Variants in RPRD2 observed in about 807,000 individuals in gnomAD.
The protein encoded by RPRD2 is regulation of nuclear pre-mRNA domain-containing protein 2.
In RPRD2, 12 loss-of-function variants were observed where a neutral mutation model predicts 104.4. That is an observed-to-expected ratio of 0.11 (90% CI 0.07 to 0.19). RPRD2 has a LOEUF of 0.19. Among genes scored for constraint, RPRD2 ranks in the 10% least tolerant of loss-of-function variants. The probability of loss-of-function intolerance (pLI) is 1.00; values close to 1 mark genes in which losing one functional copy is unlikely to be tolerated. For missense variants in RPRD2, 1,543 were observed against 1,790.1 expected, an observed-to-expected ratio of 0.86 and a Z score of 2.49; for synonymous variants, 714 against 684.9, an observed-to-expected ratio of 1.04 and a Z score of -0.66.
chr1:150,433,060 T>A (rs587756510), intron 2 of RPRD2, among the ~76,000 whole-genome samples: 1 of 152,178 alleles, frequency 6.6e-6, no homozygotes, highest in East Asian at 1.9e-4. Context: ...ATGGCTACCC[T>A]ATTATATACT....
intron 7 of RPRD2, among the ~76,000 whole-genome samples, chr1:150,454,624 G>C (rs1553897232): frequency 6.6e-6 from 1 of 152,094 alleles, no homozygotes; most frequent in Admixed American, 6.6e-5. Context: ...GGGGCAGGCG[G>C]ATCACCTGAG....
At chr1:150,463,216 G>A (rs1431208449) in intron 9 of RPRD2, among the ~76,000 whole-genome samples, 2 of 152,044 alleles carry the variant, frequency 1.3e-5, no homozygotes, top group South Asian at 2.1e-4. Flanking sequence ...CCAGCTACTC[G>A]GGAGGCAAAT....
At chr1:150,406,913 C>G (rs1221210801) in intron 1 of RPRD2, among the ~76,000 whole-genome samples, 1 of 152,096 alleles carries the variant, frequency 6.6e-6, no homozygotes, top group Non-Finnish European at 1.5e-5. Context: ...CAGGGTTTCT[C>G]CATGTTGATC....
In RPRD2 at chr1:150,459,813, C is replaced by T. The variant is rs188735664; in HGVS notation, c.1154-247C>T. 5.2e-4 allele frequency among the ~76,000 whole-genome samples: 79 copies of T among 151,856 alleles called. No homozygotes were observed. In the East Asian group the frequency reaches 0.01, roughly 20 times the overall value. On this transcript the variant is annotated intron_variant, in intron 8 of 10. Transcript: ENST00000369068. ...TTCACCATGTTGACCAGGCTGGTCT[C>T]GAAATCCTGACCTCACATGAGCCAT... is the stretch of plus-strand genomic sequence containing the variant.
At chr1:150,450,500 G>T (rs1250130082) in intron 7 of RPRD2, among the ~76,000 whole-genome samples, 1 of 148,712 alleles carries the variant, frequency 6.7e-6, no homozygotes, top group Non-Finnish European at 1.5e-5. Context: ...CCACTACTCC[G>T]CAGGCTGAGG....
chr1:150,373,533 C>CTTTTTT (rs56743462), intron 1 of RPRD2, among the ~76,000 whole-genome samples: 7,320 of 97,172 alleles, frequency 0.075, 1,115 homozygotes, highest in Non-Finnish European at 0.12. Flanking sequence ...TCAAGAATGA[C>CTTTTTT]TTTTTTTTTT....
At position 150,470,718 on chromosome 1, in the gene RPRD2, C is replaced by T; in HGVS notation, c.1770C>T (p.Phe590=). 6.2e-7 allele frequency: 1 copy of T among 1,614,044 alleles called. No homozygotes were observed. The highest frequency in any genetic ancestry group is 8.5e-7 in the Non-Finnish European group (1 of 1,179,892). Residue 590 remains phenylalanine, a synonymous_variant, in exon 11 of 11, where the codon TTC becomes TTT. Coordinates refer to ENST00000369068, the MANE Select transcript of RPRD2 (RefSeq NM_015203.5). ...CCCAACCTTTTATTCCCAAAAGCTTCAACTATTCTCCTAACTCATCAACTT... is the reference window on the plus strand; with the variant it reads ...CCCAACCTTTTATTCCCAAAAGCTTTAACTATTCTCCTAACTCATCAACTT... ...SSAQPFIPKS[F]NYSPNSSTSE...
intron 1 of RPRD2, among the ~76,000 whole-genome samples, chr1:150,369,403 C>A (rs1407427236): frequency 6.7e-6 from 1 of 149,268 alleles, no homozygotes; most frequent in Non-Finnish European, 1.5e-5. Flanking sequence ...CCACCTCAGC[C>A]TCCTGAGTAG....
chr1:150,388,458 A>G (rs1425459920), intron 1 of RPRD2, among the ~76,000 whole-genome samples: 8 of 148,804 alleles, frequency 5.4e-5, no homozygotes, highest in African/African-American at 2.0e-4. Context: ...ATATATATGT[A>G]TATGCATATA....
intron 1 of RPRD2, among the ~76,000 whole-genome samples, chr1:150,368,827 T>G (rs1660048907): frequency 6.6e-6 from 1 of 152,038 alleles, no homozygotes; most frequent in Non-Finnish European, 1.5e-5. Flanking sequence ...AGGCTGGTTT[T>G]GAACTCCTGA....
chr1:150,459,535 G>C (rs1667777232), intron 8 of RPRD2, among the ~76,000 whole-genome samples: 1 of 149,544 alleles, frequency 6.7e-6, no homozygotes, highest in Admixed American at 6.7e-5. Context: ...CAAATACTAA[G>C]AAAATGCAAA....
intron 10 of RPRD2, 32 bp from the exon 11 acceptor site, chr1:150,470,529 C>G (rs1327239370): frequency 1.9e-6 from 3 of 1,590,830 alleles, no homozygotes; most frequent in Non-Finnish European, 2.6e-6. Context: ...GGGAGTTGTT[C>G]TTTTTAACCC....
intron 7 of RPRD2, among the ~76,000 whole-genome samples, chr1:150,451,276 G>C (rs782338556): frequency 6.6e-6 from 1 of 152,106 alleles, no homozygotes; most frequent in South Asian, 2.1e-4. Flanking sequence ...CACAAGTTTG[G>C]TTTATCTCAC....
chr1:150,441,630 G>T, intron 3 of RPRD2: 1 of 340,454 alleles, frequency 2.9e-6, no homozygotes, highest in Non-Finnish European at 5.4e-6. Context: ...TTTGTTAATT[G>T]GTATTTTTAA....
chr1:150,399,490 C>T (rs782793289), intron 1 of RPRD2, among the ~76,000 whole-genome samples: 2 of 152,240 alleles, frequency 1.3e-5, no homozygotes, highest in Middle Eastern at 3.4e-3. Context: ...GGCGCGGTGG[C>T]TCATGCCTGT....
chr1:150,372,582 CATAAT>C (rs1255025612), intron 1 of RPRD2, among the ~76,000 whole-genome samples: 1 of 151,588 alleles, frequency 6.6e-6, no homozygotes. Flanking sequence ...AAATATTAAA[CATAAT>C]AGAAGGCGAT....
chr1:150,369,823 T>C (rs1188933598), intron 1 of RPRD2, among the ~76,000 whole-genome samples: 1 of 143,074 alleles, frequency 7.0e-6, no homozygotes, highest in East Asian at 2.2e-4. Flanking sequence ...CTCTGTCGCC[T>C]AGGCTGGAGT....
intron 1 of RPRD2, among the ~76,000 whole-genome samples, chr1:150,408,203 C>T (rs1240706364): frequency 1.8e-5 from 2 of 113,606 alleles, no homozygotes; most frequent in Non-Finnish European, 1.6e-5. Flanking sequence ...CTCACTCTGT[C>T]GTCCAGGCTG....
Position 150,364,655 on chromosome 1 carries a change from C to G in RPRD2, c.-60C>G, listed in dbSNP as rs1235406122. On this transcript the variant is annotated 5_prime_UTR_variant, in exon 1 of 11. Transcript: ENST00000369068. ...ACTCGCAGTGATTGTTTTGCCCGCT[C>G]CCGCCGCCGCCGCCGCCGCCGCCGC... The G allele has an allele frequency of 3.3e-6, 3 of 895,790 alleles. No homozygotes were observed. Among genetic ancestry groups the G allele is most frequent in the Non-Finnish European group, 5.1e-6 (3 of 587,510 alleles). The allele number at this position is 895,790 out of a possible 1,614,324, so 55.5% of individuals were successfully genotyped here. A position where few individuals can be genotyped will look rare whatever the true frequency, so the allele number is the denominator to read the frequency against.
Sources: allele counts gnomAD v4.1 joint callset (sites outside exome capture counted in the v4.1 genomes callset), GRCh38; gene constraint gnomAD v4.1.1; transcripts MANE v1.5; gene names NCBI Gene and HGNC (gene_info 2026-07-23, HGNC 2026-07-21).